RBFOX1: variants seen among roughly 807,000 people sequenced by gnomAD.
RBFOX1 encodes the protein RNA binding protein fox-1 homolog 1.
Under a neutral mutation model 57.7 loss-of-function variants are expected in RBFOX1, and 8 were observed. The ratio of observed to expected loss-of-function variants is 0.14; its 90% CI spans 0.08 to 0.25. The LOEUF (loss-of-function observed/expected upper bound fraction) is 0.25. RBFOX1 is among the 10% of genes least tolerant of loss of function. The probability of loss-of-function intolerance (pLI) is 1.00; values close to 1 mark genes in which losing one functional copy is unlikely to be tolerated. For synonymous variants in RBFOX1, 326 were observed against 222.4 expected (o/e 1.47, Z -4.15); for missense variants, 611 against 548.5 (o/e 1.11, Z -1.14).
At chr16:6,565,759 C>A (rs1373857211) in intron 2 of RBFOX1, among the ~76,000 whole-genome samples, 2 of 152,236 alleles carry the variant, frequency 1.3e-5, no homozygotes, top group Admixed American at 6.5e-5. Flanking sequence ...TGAGTCACTG[C>A]ACCCAGCTCA....
intron 1 of RBFOX1, among the ~76,000 whole-genome samples, chr16:6,020,831 C>T (rs370082384): frequency 6.6e-6 from 1 of 152,174 alleles, no homozygotes; most frequent in Non-Finnish European, 1.5e-5. Context: ...GCCTCCCTGG[C>T]GCCAGCTGCG....
chr16:5,473,550 G>T (rs1370677742), intron 2 of RBFOX1, among the ~76,000 whole-genome samples: 2 of 152,048 alleles, frequency 1.3e-5, no homozygotes, highest in Non-Finnish European at 2.9e-5. Flanking sequence ...TAGGTGGATG[G>T]ATGGATGGAT....
chr16:6,402,015 C>G (rs987806378), intron 2 of RBFOX1, among the ~76,000 whole-genome samples: 1 of 151,650 alleles, frequency 6.6e-6, no homozygotes, highest in African/African-American at 2.4e-5. Flanking sequence ...TTCCTCTGGC[C>G]CCAACCGTGA....
intron 1 of RBFOX1, among the ~76,000 whole-genome samples, chr16:6,152,842 C>G (rs1443503389): frequency 6.6e-6 from 1 of 152,006 alleles, no homozygotes; most frequent in Non-Finnish European, 1.5e-5. Context: ...GAAACAGAGA[C>G]CTTACTTGAA....
intron 14 of RBFOX1, among the ~76,000 whole-genome samples, 170 bp from the exon 15 acceptor site, chr16:7,708,886 G>T (rs914003040): frequency 1.3e-5 from 2 of 152,124 alleles, no homozygotes; most frequent in African/African-American, 4.8e-5. Flanking sequence ...CACAAAAAAT[G>T]TATCATGTAC....
chr16:7,388,222 A>G (rs991854640), intron 4 of RBFOX1, among the ~76,000 whole-genome samples: 1 of 152,196 alleles, frequency 6.6e-6, no homozygotes, highest in Non-Finnish European at 1.5e-5. Context: ...CTACAGACAC[A>G]CAAGGTTGGT....
At chr16:7,183,666 AGAT>A (rs1370867496) in intron 4 of RBFOX1, among the ~76,000 whole-genome samples, 4 of 152,218 alleles carry the variant, frequency 2.6e-5, no homozygotes, top group African/African-American at 9.6e-5. Context: ...ATACAGAACC[AGAT>A]GATATCTTCA....
intron 3 of RBFOX1, among the ~76,000 whole-genome samples, chr16:5,709,839 A>ATTTTTTTTTT (rs2051409997): frequency 1.5e-4 from 1 of 6,526 alleles, no homozygotes; most frequent in Non-Finnish European, 3.6e-4. Flanking sequence ...ATATATATAT[A>ATTTTTTTTTT]TATATTTTTT....
intron 3 of RBFOX1, among the ~76,000 whole-genome samples, chr16:7,002,156 C>A (rs1055608136): frequency 1.3e-5 from 2 of 151,942 alleles, no homozygotes; most frequent in African/African-American, 4.8e-5. Flanking sequence ...GTTATTGTGG[C>A]CATCCACCTC....
chr16:7,102,124 G>C (rs1365109289), intron 4 of RBFOX1, among the ~76,000 whole-genome samples: 1 of 147,168 alleles, frequency 6.8e-6, no homozygotes, highest in Non-Finnish European at 1.5e-5. Flanking sequence ...TCCTGCCTGT[G>C]CCTACTTCTC....
chr16:5,825,659 G>C (rs893418408), intron 3 of RBFOX1, among the ~76,000 whole-genome samples: 1 of 152,112 alleles, frequency 6.6e-6, no homozygotes, highest in African/African-American at 2.4e-5. Flanking sequence ...CATCACCACT[G>C]TCTGCCCCAG....
At chr16:7,016,460 C>G (rs145586158) in intron 3 of RBFOX1, among the ~76,000 whole-genome samples, 16 of 152,216 alleles carry the variant, frequency 1.1e-4, no homozygotes, top group Non-Finnish European at 2.1e-4. Context: ...TCACTTGTTT[C>G]GGGACGTAAC....
chr16:6,583,676 G>A (rs1465953175), intron 2 of RBFOX1, among the ~76,000 whole-genome samples: 4 of 152,146 alleles, frequency 2.6e-5, no homozygotes, highest in African/African-American at 9.7e-5. Flanking sequence ...AAATCACAGT[G>A]CAATTTCTTG....
intron 4 of RBFOX1, among the ~76,000 whole-genome samples, chr16:7,177,480 T>C (rs2081911737): frequency 7.1e-6 from 1 of 140,596 alleles, no homozygotes; most frequent in South Asian, 2.3e-4. Context: ...ACAGATAGTA[T>C]GTATCAATAA....
intron 9 of RBFOX1, among the ~76,000 whole-genome samples, chr16:7,598,874 A>C (rs12933090): frequency 0.021 from 3,228 of 152,352 alleles, 69 homozygotes; most frequent in Non-Finnish European, 0.035. Context: ...TGTTTATCAC[A>C]ATAAAAGAAA....
chr16:5,612,652 T>C (rs181841822), intron 3 of RBFOX1, among the ~76,000 whole-genome samples: 3 of 152,310 alleles, frequency 2.0e-5, no homozygotes, highest in East Asian at 3.9e-4. Flanking sequence ...CAGGCGAGAA[T>C]AGAGCATTCT....
intron 4 of RBFOX1, among the ~76,000 whole-genome samples, chr16:7,252,685 C>G (rs1435128637): frequency 6.7e-6 from 1 of 150,264 alleles, no homozygotes; most frequent in Non-Finnish European, 1.5e-5. Flanking sequence ...TAACCTTTTT[C>G]ATTTACATCC....
At chr16:6,323,855 C>G (rs866288508) in intron 2 of RBFOX1, among the ~76,000 whole-genome samples, 15 of 152,174 alleles carry the variant, frequency 9.9e-5, no homozygotes, top group Non-Finnish European at 1.3e-4. Flanking sequence ...TCACTGCAAC[C>G]TACATCTCCA....
At chr16:6,565,908 G>T (rs1254888465) in intron 2 of RBFOX1, among the ~76,000 whole-genome samples, 3 of 152,228 alleles carry the variant, frequency 2.0e-5, no homozygotes, top group Non-Finnish European at 4.4e-5. Context: ...TGGCTTAAAA[G>T]AACCAATGTG....
Sources: allele counts gnomAD v4.1 joint callset (sites outside exome capture counted in the v4.1 genomes callset), GRCh38; gene constraint gnomAD v4.1.1; transcripts MANE v1.5; gene names NCBI Gene and HGNC (gene_info 2026-07-23, HGNC 2026-07-21).